PLD1: variants seen among roughly 807,000 people sequenced by gnomAD.
PLD1 encodes the protein choline phosphatase 1.
Under a neutral mutation model 137.1 loss-of-function variants are expected in PLD1, and 112 were observed. The ratio of observed to expected loss-of-function variants is 0.82; its 90% CI spans 0.70 to 0.96. PLD1 has a LOEUF of 0.96. Ranked by LOEUF, PLD1 falls within the 40% of genes least tolerant of loss-of-function variation. The pLI, the probability that PLD1 is intolerant of heterozygous loss-of-function variation, is 0.00. For synonymous variants in PLD1, 431 were observed against 454.7 expected (o/e 0.95, Z 0.66); for missense variants, 1,321 against 1,342.0 (o/e 0.98, Z 0.24).
chr3:171,712,197 G>A (rs1351885704), intron 9 of PLD1, among the ~76,000 whole-genome samples: 1 of 152,224 alleles, frequency 6.6e-6, no homozygotes, highest in East Asian at 1.9e-4. Flanking sequence ...CATGAAGACA[G>A]GGAGAGGCTG....
Position 171,713,884 on chromosome 3 carries a change from A to G in PLD1, c.911+9T>C. 2 of 1,603,518 alleles carry G rather than the reference A, an allele frequency of 1.2e-6. No homozygotes were observed. The highest frequency in any genetic ancestry group is 1.7e-6 in the Non-Finnish European group (2 of 1,172,496). Reference sequence around the variant, plus strand: ...GTAGAAATCTTTTTTAAATATTTGAAATGTGTACCTTGAAAGATTATCAAT... The same window carrying G: ...GTAGAAATCTTTTTTAAATATTTGAGATGTGTACCTTGAAAGATTATCAAT... On this transcript the variant is annotated intron_variant, in intron 9 of 26. Transcript: ENST00000351298.
chr3:171,764,601 A>T (rs1461927503), intron 1 of PLD1, among the ~76,000 whole-genome samples: 2 of 151,908 alleles, frequency 1.3e-5, no homozygotes, highest in East Asian at 1.9e-4. Context: ...GAGGCCAAAA[A>T]CAAGTCATTT....
At chr3:171,717,990 GT>G (rs1477807434) in intron 8 of PLD1, among the ~76,000 whole-genome samples, 1 of 152,156 alleles carries the variant, frequency 6.6e-6, no homozygotes, top group Non-Finnish European at 1.5e-5. Flanking sequence ...TAATCAGGTA[GT>G]TTTTATCTTT....
chr3:171,788,881 A>G (rs1723115006), intron 1 of PLD1: 1 of 151,844 alleles, frequency 6.6e-6, no homozygotes, highest in Non-Finnish European at 1.5e-5. Context: ...GTTGGTTTGC[A>G]TCTGTTAATG....
chr3:171,782,378 T>C (rs946553350), intron 1 of PLD1, among the ~76,000 whole-genome samples: 7 of 152,238 alleles, frequency 4.6e-5, no homozygotes, highest in Admixed American at 2.6e-4. Context: ...CACTAAAGAT[T>C]TGAGCATTTC....
chr3:171,776,247 G>A (rs994842754), intron 1 of PLD1, among the ~76,000 whole-genome samples: 4 of 152,170 alleles, frequency 2.6e-5, no homozygotes, highest in Admixed American at 2.6e-4. Context: ...CTATGGAGCT[G>A]TAGTCATGGG....
intron 19 of PLD1, among the ~76,000 whole-genome samples, chr3:171,671,688 C>T (rs150822463): frequency 1.1e-3 from 168 of 151,866 alleles, no homozygotes; most frequent in Non-Finnish European, 2.0e-3. Flanking sequence ...TTGGGAAATG[C>T]GCACATCATA....
intron 1 of PLD1, among the ~76,000 whole-genome samples, chr3:171,796,866 CT>C (rs1387679713): frequency 6.6e-6 from 1 of 152,146 alleles, no homozygotes; most frequent in African/African-American, 2.4e-5. Flanking sequence ...TCAGCCTATC[CT>C]TGCTTCTGGA....
intron 3 of PLD1, among the ~76,000 whole-genome samples, chr3:171,736,066 G>C (rs1398169389): frequency 6.6e-6 from 1 of 152,152 alleles, no homozygotes; most frequent in East Asian, 1.9e-4. Flanking sequence ...CATCTTGGCT[G>C]TTTTTGTTCT....
chr3:171,644,806 TC>T (rs1736054455), intron 22 of PLD1, 103 bp downstream of exon 22: 1 of 742,480 alleles, frequency 1.3e-6, no homozygotes, highest in Admixed American at 2.0e-5. Flanking sequence ...GTTCATTTGT[TC>T]CCCACTCCAC....
chr3:171,678,860 T>C (rs1713662177), intron 16 of PLD1, among the ~76,000 whole-genome samples: 1 of 152,172 alleles, frequency 6.6e-6, no homozygotes, highest in African/African-American at 2.4e-5. Flanking sequence ...TTTCACTGTA[T>C]TATAACAGGT....
At chr3:171,780,625 A>G (rs1722760982) in intron 1 of PLD1, among the ~76,000 whole-genome samples, 1 of 152,224 alleles carries the variant, frequency 6.6e-6, no homozygotes, top group South Asian at 2.1e-4. Context: ...GAGTGCGTCA[A>G]TGATAGAGAG....
intron 1 of PLD1, among the ~76,000 whole-genome samples, chr3:171,764,198 C>G (rs908246144): frequency 1.3e-5 from 2 of 152,126 alleles, no homozygotes; most frequent in Non-Finnish European, 2.9e-5. Context: ...TGATCTGAAA[C>G]TCCTGGGCTC....
At chr3:171,663,129 C>T (rs1446564543) in intron 19 of PLD1, among the ~76,000 whole-genome samples, 1 of 152,222 alleles carries the variant, frequency 6.6e-6, no homozygotes, top group Non-Finnish European at 1.5e-5. Context: ...TTCTATTAGT[C>T]TTTGGCATGC....
At chr3:171,766,530 T>C (rs1278633210) in intron 1 of PLD1, among the ~76,000 whole-genome samples, 4 of 152,174 alleles carry the variant, frequency 2.6e-5, no homozygotes, top group Non-Finnish European at 5.9e-5. Context: ...ATCCATTATT[T>C]TTACTTAAAT....
intron 23 of PLD1, among the ~76,000 whole-genome samples, chr3:171,639,665 T>TG (rs1560170518): frequency 4.1e-5 from 5 of 120,666 alleles, no homozygotes; most frequent in South Asian, 2.2e-4. Context: ...TATATTCATA[T>TG]AATATATATT....
chr3:171,713,250 A>G (rs1403228532), intron 9 of PLD1, among the ~76,000 whole-genome samples: 1 of 152,236 alleles, frequency 6.6e-6, no homozygotes, highest in African/African-American at 2.4e-5. Flanking sequence ...ACTTGAGGTC[A>G]GGAGTTCGAG....
At chr3:171,802,259 T>G (rs1486492908) in intron 1 of PLD1, among the ~76,000 whole-genome samples, 1 of 152,080 alleles carries the variant, frequency 6.6e-6, no homozygotes, top group African/African-American at 2.4e-5. Context: ...GAAAACCCAG[T>G]AAGCAAGAAA....
At chr3:171,806,195 T>A (rs1723841161) in intron 1 of PLD1, among the ~76,000 whole-genome samples, 1 of 152,234 alleles carries the variant, frequency 6.6e-6, no homozygotes, top group African/African-American at 2.4e-5. Flanking sequence ...TTTTATTCTG[T>A]CGTTGTAATG....
Sources: allele counts gnomAD v4.1 joint callset (sites outside exome capture counted in the v4.1 genomes callset), GRCh38; gene constraint gnomAD v4.1.1; transcripts MANE v1.5; gene names NCBI Gene and HGNC (gene_info 2026-07-23, HGNC 2026-07-21).